OSBPL3: variants seen among roughly 807,000 people sequenced by gnomAD.
OSBPL3 encodes oxysterol-binding protein-related protein 3.
A neutral mutation model predicts 120.1 loss-of-function variants in OSBPL3; 65 were observed. That is an observed-to-expected ratio of 0.54 (90% CI 0.44 to 0.67). OSBPL3 has a LOEUF of 0.67. OSBPL3 is among the 30% of genes least tolerant of loss of function. OSBPL3 has a pLI of 0.00. For missense variants in OSBPL3, 1,004 were observed against 1,082.1 expected (o/e 0.93, Z 1.01); for synonymous variants, 416 against 402.6 (o/e 1.03, Z -0.40).
In OSBPL3 at chr7:24,799,434, T is replaced by C. The variant is rs977242813; in HGVS notation, c.*749A>G. On this transcript the variant is annotated 3_prime_UTR_variant, in exon 23 of 23. Transcript: ENST00000313367. The surrounding 1 kb of genome is among the most constrained non-coding windows in gnomAD (Gnocchi z 5.3). ...CTAAGGAGAAATTTCCTACTGTCTC[T>C]CTGGGATGCTATTGTGATATTTAAT... The C allele has an allele frequency of 1.3e-5, 2 of 152,286 alleles. No homozygotes were observed. The highest frequency in any genetic ancestry group is 3.4e-3 in the Middle Eastern group (1 of 294). The allele number at this position is 152,286 out of a possible 1,614,324, so 9.4% of individuals were successfully genotyped here. A position where few individuals can be genotyped will look rare whatever the true frequency, so the allele number is the denominator to read the frequency against.
At chr7:24,908,552 G>A (rs1414170613) in intron 1 of OSBPL3, among the ~76,000 whole-genome samples, 1 of 152,164 alleles carries the variant, frequency 6.6e-6, no homozygotes, top group African/African-American at 2.4e-5. Flanking sequence ...CTTCTTTACA[G>A]TAAAACATCC....
At chr7:24,941,834 G>A (rs1813142276) in intron 1 of OSBPL3, among the ~76,000 whole-genome samples, 1 of 152,188 alleles carries the variant, frequency 6.6e-6, no homozygotes. Context: ...CAACTATACA[G>A]TGGTGGTATT....
In OSBPL3 at chr7:24,803,757, C is replaced by T. The variant is rs995872147; in HGVS notation, c.2567+558G>A. Reference sequence around the variant, plus strand: ...CTGCACTCCAGCCTGGGTGACAGAGCGAGACTCTGTATCAGAAAAAAAAAA... The same window carrying T: ...CTGCACTCCAGCCTGGGTGACAGAGTGAGACTCTGTATCAGAAAAAAAAAA... On this transcript the variant is annotated intron_variant, in intron 22 of 22. Transcript: ENST00000313367. This position sits in a 1 kb window ranked among gnomAD's most constrained non-coding sequence, Gnocchi z 4.2. Among the ~76,000 whole-genome samples, 2 of 150,852 alleles carry T rather than the reference C, an allele frequency of 1.3e-5. No individual in the cohort carries two copies. The highest frequency in any genetic ancestry group is 4.9e-5 in the African/African-American group (2 of 40,972).
At position 24,938,915 on chromosome 7, in the gene OSBPL3, C is replaced by T. The variant is rs1406655321; in HGVS notation, c.-150+40971G>A. ...GGAAAAAGTATATAATGGGAGGCAA[C>T]ATTATTTGACATAGTAAATGATGTG... On this transcript the variant is annotated intron_variant, in intron 1 of 22. Coordinates refer to ENST00000313367, the MANE Select transcript of OSBPL3 (RefSeq NM_015550.4). This position sits in a 1 kb window ranked among gnomAD's most constrained non-coding sequence, Gnocchi z 5.8. Among the ~76,000 whole-genome samples, 1 of 149,204 alleles carries T rather than the reference C, an allele frequency of 6.7e-6. No individual in the cohort carries two copies. Among genetic ancestry groups the T allele is most frequent in the African/African-American group, 2.5e-5 (1 of 40,398 alleles).
rs1468398146 is a variant in OSBPL3, at chr7:24,930,595, TCTTA to T, written c.-149-37978_-149-37975del. Among the ~76,000 whole-genome samples, 3 of 152,284 alleles carry T rather than the reference TCTTA, an allele frequency of 2.0e-5. No homozygotes were observed. Among genetic ancestry groups the T allele is most frequent in the Admixed American group, 6.5e-5 (1 of 15,300 alleles). ...CATATGCAGTGTACTTCAAAGGGCC[TCTTA>T]CCTAAGGGGGAAATGAAGAATAAAG... On this transcript the variant is annotated intron_variant, in intron 1 of 22. Coordinates refer to ENST00000313367, the MANE Select transcript of OSBPL3 (RefSeq NM_015550.4). This position sits in a 1 kb window ranked among gnomAD's most constrained non-coding sequence, Gnocchi z 4.4.
At position 24,900,765 on chromosome 7, in the gene OSBPL3, C is replaced by A. The variant is rs1806865157; in HGVS notation, c.-149-8144G>T. ...GGTGGATCGCTTGAGCTCACGAGTT[C>A]AAGACCAGCCTGGGCAACAAGGCGA... On this transcript the variant is annotated intron_variant, in intron 1 of 22. Coordinates refer to ENST00000313367, the MANE Select transcript of OSBPL3 (RefSeq NM_015550.4). This position sits in a 1 kb window ranked among gnomAD's most constrained non-coding sequence, Gnocchi z 4.5. Among the ~76,000 whole-genome samples, 1 of 151,904 alleles carries A rather than the reference C, an allele frequency of 6.6e-6. No individual in the cohort carries two copies. Among genetic ancestry groups the A allele is most frequent in the Non-Finnish European group, 1.5e-5 (1 of 67,972 alleles).
intron 1 of OSBPL3, among the ~76,000 whole-genome samples, chr7:24,957,122 A>G (rs565563724): frequency 1.3e-5 from 2 of 152,056 alleles, no homozygotes; most frequent in South Asian, 2.1e-4. Flanking sequence ...GAATAGGCCC[A>G]TTGCTTCCAA....
intron 11 of OSBPL3, among the ~76,000 whole-genome samples, chr7:24,850,400 C>T (rs981733980): frequency 2.6e-5 from 4 of 152,188 alleles, no homozygotes; most frequent in East Asian, 1.9e-4. Context: ...CACGGGTGCT[C>T]GCATGCAGAT....
chr7:24,927,651 T>G, intron 1 of OSBPL3, among the ~76,000 whole-genome samples: 1 of 152,198 alleles, frequency 6.6e-6, no homozygotes, highest in East Asian at 1.9e-4. Context: ...ATACACTTGC[T>G]TGTAGTTATG....
intron 1 of OSBPL3, among the ~76,000 whole-genome samples, chr7:24,895,585 C>A (rs142428424): frequency 6.6e-6 from 1 of 152,264 alleles, no homozygotes; most frequent in African/African-American, 2.4e-5. Context: ...TAAGGTATCC[C>A]AGGTGCCAAG....
At chr7:24,850,582 C>A (rs1262847539) in intron 11 of OSBPL3, among the ~76,000 whole-genome samples, 2 of 152,190 alleles carry the variant, frequency 1.3e-5, no homozygotes, top group African/African-American at 2.4e-5. Context: ...CCCTGCAGAG[C>A]ATATGGGTTA....
At chr7:24,905,634 C>T (rs1423831366) in intron 1 of OSBPL3, among the ~76,000 whole-genome samples, 8 of 152,174 alleles carry the variant, frequency 5.3e-5, no homozygotes, top group East Asian at 1.9e-4. Flanking sequence ...TTCTGACACG[C>T]GTCCAGGGCT....
In OSBPL3 at chr7:24,834,240, A is replaced by C; in HGVS notation, c.1746+246T>G. On this transcript the variant is annotated intron_variant, in intron 15 of 22. Coordinates refer to ENST00000313367, the MANE Select transcript of OSBPL3 (RefSeq NM_015550.4). This position sits in a 1 kb window ranked among gnomAD's most constrained non-coding sequence, Gnocchi z 5.2. Reference sequence around the variant, plus strand: ...GGAGAAAGAGGAAGCACAAACCCACAGAACAGAACTACCCCAGGCACCAAG... The same window carrying C: ...GGAGAAAGAGGAAGCACAAACCCACCGAACAGAACTACCCCAGGCACCAAG... The C allele has an allele frequency of 8.0e-7, 1 of 1,245,122 alleles. No individual in the cohort carries two copies. The highest frequency in any genetic ancestry group is 1.0e-6 in the Non-Finnish European group (1 of 983,090). The allele number at this position is 1,245,122 out of a possible 1,614,324, so 77.1% of individuals were successfully genotyped here. A position where few individuals can be genotyped will look rare whatever the true frequency, so the allele number is the denominator to read the frequency against.
chr7:24,884,337 A>T (rs763574495), intron 2 of OSBPL3, among the ~76,000 whole-genome samples: 4 of 152,198 alleles, frequency 2.6e-5, no homozygotes, highest in Non-Finnish European at 4.4e-5. Flanking sequence ...ACTCCAAACA[A>T]ATCAGTTAAT....
chr7:24,979,569 C>G (rs1296044092), intron 1 of OSBPL3, among the ~76,000 whole-genome samples: 1 of 152,220 alleles, frequency 6.6e-6, no homozygotes, highest in Non-Finnish European at 1.5e-5. Flanking sequence ...GACAGCTCCG[C>G]GCGCCGCGTC....
chr7:24,826,429 G>T (rs1287117945), intron 16 of OSBPL3, among the ~76,000 whole-genome samples: 4 of 152,152 alleles, frequency 2.6e-5, no homozygotes, highest in African/African-American at 9.7e-5. Flanking sequence ...AGTCTGGAGA[G>T]ATTTTGCATG....
At chr7:24,880,644 G>A (rs1803545034) in intron 2 of OSBPL3, among the ~76,000 whole-genome samples, 1 of 152,186 alleles carries the variant, frequency 6.6e-6, no homozygotes. Flanking sequence ...ACAGAATGAA[G>A]AAGTCATTTA....
Position 24,805,292 on chromosome 7 carries a change from C to T in OSBPL3, c.2445-855G>A, listed in dbSNP as rs778358083. Among the ~76,000 whole-genome samples the T allele has an allele frequency of 2.6e-5, 4 of 152,088 alleles. No homozygotes were observed. The highest frequency in any genetic ancestry group is 4.4e-5 in the Non-Finnish European group (3 of 68,008). Reference sequence around the variant, plus strand: ...TCTGATAGGTTAAAAATTGGGATGTCGACATGATTTTTAAATTTGCATTTT... The same window carrying T: ...TCTGATAGGTTAAAAATTGGGATGTTGACATGATTTTTAAATTTGCATTTT... On this transcript the variant is annotated intron_variant, in intron 21 of 22. Transcript: ENST00000313367. The surrounding 1 kb of genome is among the most constrained non-coding windows in gnomAD (Gnocchi z 4.0).
rs191206375 is a variant in OSBPL3 at position 24,871,439 on chromosome 7, C to T, written c.267+303G>A. 6.6e-6 allele frequency among the ~76,000 whole-genome samples: 1 copy of T among 152,214 alleles called. No homozygotes were observed. The highest frequency in any genetic ancestry group is 2.4e-5 in the African/African-American group (1 of 41,534). On this transcript the variant is annotated intron_variant, in intron 4 of 22. Transcript: ENST00000313367. This position sits in a 1 kb window ranked among gnomAD's most constrained non-coding sequence, Gnocchi z 4.8. Reference sequence around the variant, plus strand: ...TCACAGTGCAAGAGGGAGGGATGCCCTATGTTTTGTTCCTGTTATCTAGCT... The same window carrying T: ...TCACAGTGCAAGAGGGAGGGATGCCTTATGTTTTGTTCCTGTTATCTAGCT...
Sources: allele counts gnomAD v4.1 joint callset (sites outside exome capture counted in the v4.1 genomes callset), GRCh38; gene constraint gnomAD v4.1.1; non-coding constraint Gnocchi (gnomAD v3.1); transcripts MANE v1.5; gene names NCBI Gene and HGNC (gene_info 2026-07-23, HGNC 2026-07-21).